DCC: variants seen among roughly 807,000 people sequenced by gnomAD.
DCC encodes the protein DCC netrin 1 receptor.
In DCC, 58 loss-of-function variants were observed where a neutral mutation model predicts 172.5. That is an observed-to-expected ratio of 0.34 (90% CI 0.27 to 0.42). The LOEUF is 0.42. DCC is among the 10% of genes least tolerant of loss of function. The probability of loss-of-function intolerance (pLI) is 1.00; values close to 1 mark genes in which losing one functional copy is unlikely to be tolerated. For missense variants in DCC, 1,740 were observed against 1,791.0 expected (o/e 0.97, Z 0.51); for synonymous variants, 709 against 644.5 (o/e 1.10, Z -1.52).
intron 1 of DCC, among the ~76,000 whole-genome samples, chr18:52,471,437 G>A (rs1372626): frequency 0.6 from 91,900 of 152,126 alleles, 27,885 homozygotes; most frequent in Middle Eastern, 0.66. Flanking sequence ...ATTATGGAGG[G>A]TTATCACTTA....
chr18:53,532,549 A>G lies in DCC; in HGVS notation c.*1896A>G, dbSNP rs2046534436. 1 of 152,206 alleles carries G rather than the reference A, an allele frequency of 6.6e-6. No homozygotes were observed. The highest frequency in any genetic ancestry group is 1.5e-5 in the Non-Finnish European group (1 of 68,042). 9.4% of individuals were successfully genotyped at this position (152,206 alleles called of 1,614,324 possible). ...CACTTAGGTAGACAACCTTCTACTGACCTGGAATAAAGTGTTTCCTAACAT... is the reference window on the plus strand; with the variant it reads ...CACTTAGGTAGACAACCTTCTACTGGCCTGGAATAAAGTGTTTCCTAACAT... On this transcript the variant is annotated 3_prime_UTR_variant, in exon 29 of 29. Transcript: ENST00000442544.
chr18:53,351,238 G>A lies in DCC; in HGVS notation c.2359+11331G>A, dbSNP rs1568074344. 3.7e-5 allele frequency among the ~76,000 whole-genome samples: 5 copies of A among 133,558 alleles called. No homozygotes were observed. In the East Asian group the frequency reaches 9.2e-4, roughly 25 times the overall value. 87.6% of individuals were successfully genotyped at this position (133,558 alleles called of 152,430 possible). The stretch of plus-strand genomic sequence containing the variant: ...AAAAACTCCATTACAAAAGATACTA[G>A]TATTGTATATTAGCATTGAACAGGA... On this transcript the variant is annotated intron_variant, in intron 15 of 28. Coordinates refer to ENST00000442544, the MANE Select transcript of DCC (RefSeq NM_005215.4).
At chr18:53,044,641 G>A (rs1026898985) in intron 5 of DCC, among the ~76,000 whole-genome samples, 1 of 151,764 alleles carries the variant, frequency 6.6e-6, no homozygotes, top group Non-Finnish European at 1.5e-5. Context: ...AGTACTTACA[G>A]CCTACATTTC....
At chr18:52,582,718 C>G (rs2070758370) in intron 1 of DCC, among the ~76,000 whole-genome samples, 1 of 152,082 alleles carries the variant, frequency 6.6e-6, no homozygotes, top group Non-Finnish European at 1.5e-5. Context: ...AAGGGGGCAG[C>G]CTTTCGTGTA....
chr18:52,761,314 C>T (rs2037156880), intron 2 of DCC, among the ~76,000 whole-genome samples: 2 of 152,160 alleles, frequency 1.3e-5, no homozygotes, highest in Admixed American at 1.3e-4. Flanking sequence ...CCCACAGGGT[C>T]CCTCCCACAA....
intron 5 of DCC, among the ~76,000 whole-genome samples, chr18:53,032,271 A>G (rs979011345): frequency 3.3e-5 from 5 of 152,156 alleles, no homozygotes; most frequent in Admixed American, 3.3e-4. Context: ...ATTTGGGAGG[A>G]AAAAGAAGAA....
intron 2 of DCC, among the ~76,000 whole-genome samples, chr18:52,824,286 T>A (rs1227577256): frequency 6.6e-6 from 1 of 152,184 alleles, no homozygotes; most frequent in African/African-American, 2.4e-5. Flanking sequence ...TTGTGTCTTG[T>A]GAATGATGGC....
At chr18:53,048,694 C>T (rs1464127174) in intron 5 of DCC, among the ~76,000 whole-genome samples, 1 of 150,242 alleles carries the variant, frequency 6.7e-6, no homozygotes, top group Non-Finnish European at 1.5e-5. Context: ...TATACCTATT[C>T]TTTTGGATAT....
chr18:53,473,282 G>A (rs2045720800), intron 25 of DCC, among the ~76,000 whole-genome samples: 2 of 152,148 alleles, frequency 1.3e-5, no homozygotes, highest in South Asian at 2.1e-4. Flanking sequence ...AGGATGTAAT[G>A]TATCTAATTC....
intron 12 of DCC, among the ~76,000 whole-genome samples, chr18:53,226,670 C>A (rs2056033082): frequency 6.6e-6 from 1 of 151,406 alleles, no homozygotes; most frequent in Admixed American, 6.6e-5. Context: ...TTACCTCATC[C>A]CTCAAGGGTT....
At chr18:52,886,156 C>G (rs1305482931) in intron 2 of DCC, among the ~76,000 whole-genome samples, 1 of 152,030 alleles carries the variant, frequency 6.6e-6, no homozygotes, top group Non-Finnish European at 1.5e-5. Flanking sequence ...TTTAGCCTCC[C>G]CATCTGGTAT....
chr18:52,343,570 G>A (rs1420098224), intron 1 of DCC, among the ~76,000 whole-genome samples: 1 of 152,172 alleles, frequency 6.6e-6, no homozygotes, highest in Non-Finnish European at 1.5e-5. Flanking sequence ...GCTTCTGTAA[G>A]ATGTCATCTT....
intron 2 of DCC, among the ~76,000 whole-genome samples, chr18:52,753,380 ATTTTT>A (rs926346037): frequency 6.6e-6 from 1 of 152,176 alleles, no homozygotes; most frequent in Non-Finnish European, 1.5e-5. Flanking sequence ...TTATGAGATT[ATTTTT>A]TTAAACAAAA....
chr18:53,204,367 C>T (rs995286948), intron 9 of DCC, among the ~76,000 whole-genome samples: 39 of 151,840 alleles, frequency 2.6e-4, no homozygotes, highest in Admixed American at 1.4e-3. Context: ...CATAGTGAGA[C>T]CCAGTATCTA....
rs577768076 is a variant in DCC at position 52,740,007 on chromosome 18, CT to C, written c.92-12046del. On this transcript the variant is annotated intron_variant, in intron 1 of 28. Coordinates refer to ENST00000442544, the MANE Select transcript of DCC (RefSeq NM_005215.4). ...TTTTAGAATTTGGAACAACCAACGC[CT>C]GCATGCAGTAAGCCCTTTTAAGTAG... Among the ~76,000 whole-genome samples, 475 of 152,208 alleles carry C rather than the reference CT, an allele frequency of 3.1e-3. 4 individuals carry two copies. Among genetic ancestry groups the C allele is most frequent in the Admixed American group, 5.0e-3 (76 of 15,284 alleles).
At chr18:53,091,225 A>T (rs1599122713) in intron 7 of DCC, among the ~76,000 whole-genome samples, 1 of 151,844 alleles carries the variant, frequency 6.6e-6, no homozygotes, top group East Asian at 1.9e-4. Context: ...TATAGATCCA[A>T]GCAGTTTCAG....
At chr18:53,075,205 T>C (rs1269205483) in intron 7 of DCC, among the ~76,000 whole-genome samples, 1 of 152,196 alleles carries the variant, frequency 6.6e-6, no homozygotes, top group Non-Finnish European at 1.5e-5. Context: ...TTTTTCAAAA[T>C]GACTGCTAGT....
intron 1 of DCC, among the ~76,000 whole-genome samples, chr18:52,464,120 G>C (rs1342974121): frequency 3.3e-5 from 5 of 152,144 alleles, no homozygotes; most frequent in African/African-American, 1.2e-4. Flanking sequence ...TCTATTGAGT[G>C]CAAGGATGTT....
chr18:53,248,459 A>G (rs958599053), intron 12 of DCC, among the ~76,000 whole-genome samples: 3 of 152,012 alleles, frequency 2.0e-5, no homozygotes, highest in Non-Finnish European at 4.4e-5. Context: ...CTCCCACTGG[A>G]AGTGATCAAG....
Sources: allele counts gnomAD v4.1 joint callset (sites outside exome capture counted in the v4.1 genomes callset), GRCh38; gene constraint gnomAD v4.1.1; transcripts MANE v1.5; gene names NCBI Gene and HGNC (gene_info 2026-07-23, HGNC 2026-07-21).